Variants in NDUFA3 observed in about 807,000 individuals in gnomAD.
NDUFA3 encodes NADH dehydrogenase [ubiquinone] 1 alpha subcomplex subunit 3.
A neutral mutation model predicts 11.4 loss-of-function variants in NDUFA3; 10 were observed. The observed-to-expected ratio is 0.87, with a 90% CI of 0.54 to 1.48. NDUFA3 has a LOEUF of 1.48. NDUFA3 is among the 40% of genes most tolerant of loss of function. The probability of loss-of-function intolerance (pLI) is 0.00; values close to 1 mark genes in which losing one functional copy is unlikely to be tolerated. For synonymous variants in NDUFA3, 39 were observed against 46.9 expected, an observed-to-expected ratio of 0.83 and a Z score of 0.68; for missense variants, 115 against 110.5, an observed-to-expected ratio of 1.04 and a Z score of -0.18.
At chr19:54,103,237 C>T (rs2073144720) in intron 2 of NDUFA3, 49 bp downstream of exon 2, 11 of 1,531,046 alleles carry the variant, frequency 7.2e-6, no homozygotes, top group Non-Finnish European at 8.8e-6. Context: ...CCCCGTCCCC[C>T]TACATCCCTC....
intron 3 of NDUFA3, 146 bp downstream of exon 3, chr19:54,106,157 A>T (rs1390149831): frequency 2.7e-6 from 2 of 730,268 alleles, no homozygotes; most frequent in Non-Finnish European, 4.5e-6. Flanking sequence ...TTAAGAATTG[A>T]GATATAATTC....
Position 54,103,178 on chromosome 19 carries a change from CG to C in NDUFA3, c.80del (p.Gly27AlafsTer4). ...EPVLVVSFVV[G>X]GLAVILPPLS... ...CAGTGCTGGTCGTGTCCTTCGTCGT[CG>C]GGGGCCTCGGTGCGTGAGTGCTCCA... On this transcript the variant is annotated frameshift_variant, in exon 2 of 4. Coordinates refer to ENST00000485876, the MANE Select transcript of NDUFA3 (RefSeq NM_004542.4). LOFTEE classifies it high-confidence loss of function. The C allele has an allele frequency of 6.3e-7, 1 of 1,598,024 alleles. No homozygotes were observed. The highest frequency in any genetic ancestry group is 8.6e-7 in the Non-Finnish European group (1 of 1,169,520).
rs749642542 is a variant in NDUFA3, at chr19:54,106,897, CTG to C, written c.253_254del (p.Ter85SerfsTer15). 4.8e-5 allele frequency: 78 copies of C among 1,611,838 alleles called. No homozygotes were observed. The African/African-American group carries it at 1.0e-3, about 21-fold the overall frequency. ...CCCCAGCCTGGAGTGGCTGAAGAAACTGTGAGCACCTCCACTGACAGAGGCGG... is the reference window on the plus strand; with the variant it reads ...CCCCAGCCTGGAGTGGCTGAAGAAACTGAGCACCTCCACTGACAGAGGCGG... Reference protein sequence around the residue: ...QGPSLEWLKKL With the variant: ...QGPSLEWLKKX On this transcript the variant is annotated frameshift_variant, in exon 4 of 4. Transcript: ENST00000485876. LOFTEE classifies it high-confidence loss of function.
chr19:54,104,659 A>G (rs2073202195), intron 2 of NDUFA3, among the ~76,000 whole-genome samples: 1 of 152,118 alleles, frequency 6.6e-6, no homozygotes, highest in Admixed American at 6.6e-5. Context: ...ACTTAGTATA[A>G]CAGAGTGTGT....
At chr19:54,103,230 C>G in intron 2 of NDUFA3, 42 bp downstream of exon 2, 2 of 1,545,650 alleles carry the variant, frequency 1.3e-6, no homozygotes, top group Non-Finnish European at 1.8e-6. Flanking sequence ...CGTCCACCCC[C>G]GTCCCCCTAC....
At chr19:54,106,176 T>G (rs1452037148) in intron 3 of NDUFA3, 165 bp downstream of exon 3, 15 of 662,622 alleles carry the variant, frequency 2.3e-5, no homozygotes, top group Non-Finnish European at 1.3e-5. Flanking sequence ...TCGTATACTA[T>G]TCTGTGTTTG....
intron 1 of NDUFA3, 26 bp downstream of exon 1, chr19:54,102,914 G>C (rs1367422481): frequency 6.2e-7 from 1 of 1,608,648 alleles, no homozygotes; most frequent in Non-Finnish European, 8.5e-7. Context: ...GGTGGCGCAC[G>C]GGGCTCGGGT....
chr19:54,105,681 C>CTT, intron 2 of NDUFA3: 1 of 691,812 alleles, frequency 1.4e-6, no homozygotes, highest in Non-Finnish European at 2.7e-6. Flanking sequence ...CCCACTGCTG[C>CTT]CTCCTCCAGG....
intron 2 of NDUFA3, among the ~76,000 whole-genome samples, chr19:54,103,877 A>G (rs1365312668): frequency 6.6e-6 from 1 of 151,832 alleles, no homozygotes; most frequent in Non-Finnish European, 1.5e-5. Flanking sequence ...TCTGTCGCCC[A>G]GGCTGGAGTG....
chr19:54,106,825 G>T lies in NDUFA3; in HGVS notation c.178G>T (p.Asp60Tyr). 1.2e-6 allele frequency: 2 copies of T among 1,613,370 alleles called. No homozygotes were observed. The highest frequency in any genetic ancestry group is 1.7e-6 in the Non-Finnish European group (2 of 1,179,826). Reference sequence around the variant, plus strand: ...CTGCCCCACAGTGCCCGTCCGTGATGATGGGAACATGCCCGACGTGCCCAG... The same window carrying T: ...CTGCCCCACAGTGCCCGTCCGTGATTATGGGAACATGCCCGACGTGCCCAG... ...PYNYPVPVRD[D>Y]GNMPDVPSHP... Residue 60 changes from aspartate (D) to tyrosine (Y), a missense_variant, in exon 4 of 4, where the codon GAT becomes TAT. Transcript: ENST00000485876.
At position 54,107,343 on chromosome 19, in the gene NDUFA3, G is replaced by C. The variant is rs1409475866; in HGVS notation, c.*441G>C. 1.2e-6 allele frequency: 1 copy of C among 812,428 alleles called. No homozygotes were observed. Among genetic ancestry groups the C allele is most frequent in the African/African-American group, 1.7e-5 (1 of 57,796 alleles). The allele number at this position is 812,428 out of a possible 1,614,324, so 50.3% of individuals were successfully genotyped here. On this transcript the variant is annotated 3_prime_UTR_variant, in exon 4 of 4. Transcript: ENST00000485876. ...AGTTCACTGCAGCCTCTGCCTCCCA[G>C]GCTCAAGTGATCCTCCCACCTCAGC... is the stretch of plus-strand genomic sequence containing the variant.
intron 3 of NDUFA3, 190 bp downstream of exon 3, chr19:54,106,201 T>A: frequency 1.6e-6 from 1 of 607,042 alleles, no homozygotes; most frequent in South Asian, 2.1e-5. Context: ...TCGTTTTTGT[T>A]TTTTGGGGTT....
chr19:54,107,129 G>A lies in NDUFA3; in HGVS notation c.*227G>A, dbSNP rs767423431. On this transcript the variant is annotated 3_prime_UTR_variant, in exon 4 of 4. Coordinates refer to ENST00000485876, the MANE Select transcript of NDUFA3 (RefSeq NM_004542.4). Reference sequence around the variant, plus strand: ...CCGAGAAACCCAACTGGAATCCAGGGCCTCATCTGCTTCAAAGCCAAAGTC... The same window carrying A: ...CCGAGAAACCCAACTGGAATCCAGGACCTCATCTGCTTCAAAGCCAAAGTC... 2 of 1,613,928 alleles carry A rather than the reference G, an allele frequency of 1.2e-6. No homozygotes were observed. Among genetic ancestry groups the A allele is most frequent in the Admixed American group, 3.3e-5 (2 of 59,980 alleles).
At chr19:54,103,459 AG>A (rs763657135) in intron 2 of NDUFA3, among the ~76,000 whole-genome samples, 7 of 152,158 alleles carry the variant, frequency 4.6e-5, no homozygotes, top group Non-Finnish European at 8.8e-5. Context: ...ACCAAAAAAA[AG>A]TCCAGATCCT....
chr19:54,105,837 C>T, intron 2 of NDUFA3, 97 bp from the exon 3 acceptor site: 1 of 1,028,174 alleles, frequency 9.7e-7, no homozygotes, highest in African/African-American at 1.6e-5. Flanking sequence ...CTGCCCTCCC[C>T]CTGCGCACTT....
At chr19:54,105,585 T>G (rs2073232988) in intron 2 of NDUFA3, 2 of 499,974 alleles carry the variant, frequency 4.0e-6, no homozygotes, top group Non-Finnish European at 7.9e-6. Context: ...GTAACAGTCT[T>G]GATTTCTCCA....
At chr19:54,103,272 C>T in intron 2 of NDUFA3, 84 bp downstream of exon 2, 2 of 1,388,262 alleles carry the variant, frequency 1.4e-6, no homozygotes, top group East Asian at 4.9e-5. Context: ...AAAGCCCTAT[C>T]GCCGCCCTCG....
In NDUFA3 at chr19:54,105,264, C is replaced by CTTTTTTTTTTTTTTTTTTTTTTTTTTT. The variant is rs796770972; in HGVS notation, c.86-649_86-648insTTTTTTTTTTTTTTTTTTTTTTTTTTT. Among the ~76,000 whole-genome samples the CTTTTTTTTTTTTTTTTTTTTTTTTTTT allele has an allele frequency of 2.0e-4, 14 of 71,262 alleles. 1 individual carries two copies. The highest frequency in any genetic ancestry group is 3.3e-4 in the Non-Finnish European group (13 of 39,668). The allele number at this position is 71,262 out of a possible 152,430, so 46.8% of individuals were successfully genotyped here. A position where few individuals can be genotyped will look rare whatever the true frequency, so the allele number is the denominator to read the frequency against. On this transcript the variant is annotated intron_variant, in intron 2 of 3. Transcript: ENST00000485876. The stretch of plus-strand genomic sequence containing the variant: ...ACCCTTTCTCCTCCAGTTTGTAAGG[C>CTTTTTTTTTTTTTTTTTTTTTTTTTTT]TTTTTTTTTTTTTTTTTTTTTGGTG...
chr19:54,106,532 G>A (rs2073265872), intron 3 of NDUFA3: 2 of 444,184 alleles, frequency 4.5e-6, no homozygotes, highest in African/African-American at 2.0e-5. Context: ...ATCTGTGGTG[G>A]TTTCTTGGTC....
Sources: gnomAD v4.1 joint callset for allele counts (sites outside exome capture counted in the v4.1 genomes callset) on GRCh38, gnomAD v4.1.1 for gene constraint, MANE v1.5 for transcripts, NCBI Gene and HGNC (gene_info 2026-07-23, HGNC 2026-07-21) for gene names.